Variants in UGT1A7 observed in about 807,000 individuals in gnomAD.
UGT1A7 encodes UDP glucuronosyltransferase family 1 member A7.
UGT1A7 carries 33 observed loss-of-function variants against 45.6 expected under a neutral mutation model. That is an observed-to-expected ratio of 0.72 (90% CI 0.55 to 0.97). UGT1A7 has a LOEUF of 0.97. UGT1A7 is among the 50% of genes least tolerant of loss of function. The pLI, the probability that UGT1A7 is intolerant of heterozygous loss-of-function variation, is 0.00. For synonymous variants in UGT1A7, 274 were observed against 250.6 expected (o/e 1.09, Z -0.88); for missense variants, 684 against 666.2 (o/e 1.03, Z -0.29).
At chr2:233,692,058 G>A (rs1175564530) in intron 1 of UGT1A7, 1 of 152,118 alleles carries the variant, frequency 6.6e-6, no homozygotes, top group Non-Finnish European at 1.5e-5. Context: ...GCGATTAGAG[G>A]GAAGAAAGGA....
chr2:233,710,385 C>T (rs894731418), intron 1 of UGT1A7, among the ~76,000 whole-genome samples: 3 of 152,278 alleles, frequency 2.0e-5, no homozygotes, highest in East Asian at 1.9e-4. Flanking sequence ...CTAACAGCAA[C>T]GCATTAGAGT....
At chr2:233,734,487 G>T (rs1258869591) in intron 1 of UGT1A7, among the ~76,000 whole-genome samples, 1 of 151,866 alleles carries the variant, frequency 6.6e-6, no homozygotes, top group East Asian at 1.9e-4. Flanking sequence ...TGATTTTTTT[G>T]AAGGTTTTTT....
chr2:233,729,681 A>C (rs200127379), intron 1 of UGT1A7: 1 of 1,613,946 alleles, frequency 6.2e-7, no homozygotes. Flanking sequence ...TTAAGGGCAC[A>C]CAGTGTCCAA....
intron 1 of UGT1A7, chr2:233,743,959 C>A (rs371517697): frequency 5.2e-6 from 7 of 1,333,990 alleles, no homozygotes; most frequent in Non-Finnish European, 7.0e-6. Context: ...GCACAGCGAG[C>A]GGCAAGGCTG....
At chr2:233,757,313 C>T (rs1359328872) in intron 1 of UGT1A7, among the ~76,000 whole-genome samples, 3 of 66,648 alleles carry the variant, frequency 4.5e-5, no homozygotes, top group African/African-American at 1.8e-4. Context: ...GACAGGGGGG[C>T]TGGGGCCCTG....
chr2:233,740,777 G>C (rs541057948), intron 1 of UGT1A7: 2 of 151,918 alleles, frequency 1.3e-5, no homozygotes, highest in South Asian at 4.2e-4. Flanking sequence ...TTGTATAAAA[G>C]ATGAATACCC....
intron 1 of UGT1A7, chr2:233,756,428 T>G (rs1464459350): frequency 6.6e-6 from 1 of 152,242 alleles, no homozygotes; most frequent in Non-Finnish European, 1.5e-5. Flanking sequence ...TACTGTTTTT[T>G]TTTCATTGTT....
chr2:233,747,435 T>G, intron 1 of UGT1A7: 1 of 1,608,866 alleles, frequency 6.2e-7, no homozygotes, highest in Non-Finnish European at 8.5e-7. Context: ...AGAGAAATTT[T>G]TCACCCTGAC....
At chr2:233,723,514 A>ACC (rs1243846588) in intron 1 of UGT1A7, among the ~76,000 whole-genome samples, 21 of 107,656 alleles carry the variant, frequency 2.0e-4, no homozygotes, top group African/African-American at 9.0e-4. Flanking sequence ...CTGGTCAACA[A>ACC]TCTTTTTTTT....
rs1308023181 is a variant in UGT1A7, at chr2:233,747,199, G to A, written c.856-19835G>A. 45 of 1,604,092 alleles carry A rather than the reference G, an allele frequency of 2.8e-5. 2 individuals carry two copies. The highest frequency in any genetic ancestry group is 8.8e-5 in the South Asian group (8 of 90,422). On this transcript the variant is annotated intron_variant, in intron 1 of 4. Coordinates refer to ENST00000373426, the MANE Select transcript of UGT1A7 (RefSeq NM_019077.3). Reference sequence around the variant, plus strand: ...GCGTGGGGTGGACAGTCAGCTGTCCGTGTCTTCTGCTGAGATGGCCACAGG... The same window carrying A: ...GCGTGGGGTGGACAGTCAGCTGTCCATGTCTTCTGCTGAGATGGCCACAGG...
rs1273237448 is a variant in UGT1A7 at position 233,760,469 on chromosome 2, C to G, written c.856-6565C>G. The G allele has an allele frequency of 6.2e-6, 10 of 1,614,092 alleles. No homozygotes were observed. The highest frequency in any genetic ancestry group is 2.2e-5 in the South Asian group (2 of 91,086). On this transcript the variant is annotated intron_variant, in intron 1 of 4. Transcript: ENST00000373426. The stretch of plus-strand genomic sequence containing the variant: ...AGGGGACATGAAATAGTTGTCCTAG[C>G]ACCTGACGCCTCGTTGTACATCAGA...
In UGT1A7 at chr2:233,737,002, C is replaced by T. The variant is rs534387073; in HGVS notation, c.856-30032C>T. On this transcript the variant is annotated intron_variant, in intron 1 of 4. Transcript: ENST00000373426. ...TCAAGATACACAGAGGTCAGGGACC[C>T]GCTTGAGGAGGCAGTCTGTCCATTC... Among the ~76,000 whole-genome samples, 262 of 152,308 alleles carry T rather than the reference C, an allele frequency of 1.7e-3. 1 individual carries two copies. Among genetic ancestry groups the T allele is most frequent in the South Asian group, 4.4e-3 (21 of 4,826 alleles).
intron 1 of UGT1A7, among the ~76,000 whole-genome samples, chr2:233,742,165 C>A (rs1314313900): frequency 2.0e-5 from 3 of 151,916 alleles, no homozygotes; most frequent in Non-Finnish European, 2.9e-5. Context: ...AAGACACACA[C>A]ACAGAAATAT....
chr2:233,716,843 C>A (rs1303779141), intron 1 of UGT1A7, among the ~76,000 whole-genome samples: 1 of 152,176 alleles, frequency 6.6e-6, no homozygotes, highest in African/African-American at 2.4e-5. Flanking sequence ...ATGGCTTCAG[C>A]TACCACATAT....
At chr2:233,729,584 C>T in intron 1 of UGT1A7, 7 of 1,614,090 alleles carry the variant, frequency 4.3e-6, no homozygotes, top group Non-Finnish European at 5.9e-6. Flanking sequence ...TTAACAGACC[C>T]CGTTAACCTC....
Position 233,772,533 on chromosome 2 carries a change from A to G in UGT1A7, c.1567A>G (p.Lys523Glu). 6.2e-7 allele frequency: 1 copy of G among 1,614,214 alleles called. No homozygotes were observed. Among genetic ancestry groups the G allele is most frequent in the Non-Finnish European group, 8.5e-7 (1 of 1,180,036 alleles). ...KCLGKKGRVK[K>E]AHKSKTH ...CTTGGGGAAAAAAGGGCGAGTTAAG[A>G]AAGCCCACAAATCCAAGACCCATTG... Residue 523 changes from lysine to glutamate, a missense_variant, in exon 5 of 5, where the codon AAA (lysine) becomes GAA (glutamate). Coordinates refer to ENST00000373426, the MANE Select transcript of UGT1A7 (RefSeq NM_019077.3).
rs532756025 is a variant in UGT1A7, at chr2:233,692,941, A to C, written c.855+10149A>C. ...AGTGGTTAGTTTAGGGAAAATACCT[A>C]GGAGCCCTGTGATTTGGAGAGTGAA... On this transcript the variant is annotated intron_variant, in intron 1 of 4. Coordinates refer to ENST00000373426, the MANE Select transcript of UGT1A7 (RefSeq NM_019077.3). The C allele has an allele frequency of 2.0e-5, 32 of 1,595,742 alleles. No individual in the cohort carries two copies. In the South Asian group the frequency reaches 3.5e-4, roughly 17 times the overall value.
intron 1 of UGT1A7, 114 bp downstream of exon 1, chr2:233,682,906 G>T (rs2074606702): frequency 8.7e-6 from 13 of 1,497,714 alleles, no homozygotes; most frequent in South Asian, 1.4e-5. Flanking sequence ...TTTCTTTCTG[G>T]TTTAAGGAAT....
intron 1 of UGT1A7, chr2:233,708,409 T>C (rs1215393625): frequency 6.6e-6 from 1 of 152,208 alleles, no homozygotes; most frequent in East Asian, 1.9e-4. Flanking sequence ...CATCAAGTTG[T>C]TTCACCAGTG....
Sources: gnomAD v4.1 joint callset for allele counts (sites outside exome capture counted in the v4.1 genomes callset) on GRCh38, gnomAD v4.1.1 for gene constraint, MANE v1.5 for transcripts, NCBI Gene and HGNC (gene_info 2026-07-23, HGNC 2026-07-21) for gene names.